The following HS6ST3 variants were observed in gnomAD, a reference collection of about 807,000 sequenced individuals.
HS6ST3 encodes the protein heparan sulfate 6-O-sulfotransferase 3, also known as heparan-sulfate 6-O-sulfotransferase 3.
HS6ST3 carries 12 observed loss-of-function variants against 36.7 expected under a neutral mutation model. The ratio of observed to expected loss-of-function variants is 0.33; its 90% CI spans 0.21 to 0.53. The LOEUF is 0.53. HS6ST3 is among the 20% of genes least tolerant of loss of function. HS6ST3 has a pLI of 0.95. For synonymous variants in HS6ST3, 240 were observed against 257.5 expected, an observed-to-expected ratio of 0.93 and a Z score of 0.65; for missense variants, 584 against 640.9, an observed-to-expected ratio of 0.91 and a Z score of 0.96.
At chr13:96,605,556 A>G (rs1273814348) in intron 1 of HS6ST3, among the ~76,000 whole-genome samples, 1 of 151,942 alleles carries the variant, frequency 6.6e-6, no homozygotes, top group African/African-American at 2.4e-5. Context: ...ATTTTTCTCC[A>G]TTTTGCTAAC....
intron 1 of HS6ST3, among the ~76,000 whole-genome samples, chr13:96,632,205 T>C (rs897036695): frequency 1.3e-5 from 2 of 152,146 alleles, no homozygotes; most frequent in African/African-American, 4.8e-5. Flanking sequence ...TCTGTGCTTG[T>C]TTCCACTAAG....
chr13:96,635,512 A>G (rs1360114624), intron 1 of HS6ST3, among the ~76,000 whole-genome samples: 1 of 152,068 alleles, frequency 6.6e-6, no homozygotes, highest in Non-Finnish European at 1.5e-5. Context: ...TCTTCTCCCA[A>G]TAGTCTTCCT....
At chr13:96,558,590 T>C (rs139171402) in intron 1 of HS6ST3, among the ~76,000 whole-genome samples, 2 of 152,176 alleles carry the variant, frequency 1.3e-5, no homozygotes, top group Non-Finnish European at 2.9e-5. Context: ...AGAGGGAATG[T>C]GTAACTTAAA....
At chr13:96,215,286 G>C (rs1020614119) in intron 1 of HS6ST3, among the ~76,000 whole-genome samples, 2 of 152,190 alleles carry the variant, frequency 1.3e-5, no homozygotes, top group African/African-American at 4.8e-5. Flanking sequence ...ATGGCTTTCT[G>C]TTCACCCAGT....
At chr13:96,783,174 CCTGA>C (rs1233434376) in intron 1 of HS6ST3, among the ~76,000 whole-genome samples, 1 of 152,096 alleles carries the variant, frequency 6.6e-6, no homozygotes, top group South Asian at 2.1e-4. Flanking sequence ...CTGGCTGAAC[CCTGA>C]CTGTCTCAAT....
chr13:96,158,064 G>A (rs2054118503), intron 1 of HS6ST3, among the ~76,000 whole-genome samples: 1 of 152,176 alleles, frequency 6.6e-6, no homozygotes, highest in Admixed American at 6.5e-5. Flanking sequence ...AGTTTTCTTA[G>A]GAAGATGAGA....
chr13:96,519,616 G>T (rs139467963), intron 1 of HS6ST3, among the ~76,000 whole-genome samples: 2 of 152,288 alleles, frequency 1.3e-5, no homozygotes, highest in East Asian at 3.9e-4. Context: ...TACTTGGAAA[G>T]ACCTTTATTT....
intron 1 of HS6ST3, among the ~76,000 whole-genome samples, chr13:96,480,856 T>G (rs1385462400): frequency 6.6e-6 from 1 of 152,200 alleles, no homozygotes; most frequent in Non-Finnish European, 1.5e-5. Flanking sequence ...ATGGCCTTAG[T>G]GTACTCTGGA....
At chr13:96,770,896 T>C (rs7317819) in intron 1 of HS6ST3, among the ~76,000 whole-genome samples, 41 of 152,310 alleles carry the variant, frequency 2.7e-4, no homozygotes, top group African/African-American at 7.5e-4. Flanking sequence ...AGTTAGTCCA[T>C]TGGCACAATG....
At chr13:96,311,224 A>G (rs910944019) in intron 1 of HS6ST3, among the ~76,000 whole-genome samples, 28 of 152,294 alleles carry the variant, frequency 1.8e-4, no homozygotes, top group African/African-American at 6.5e-4. Flanking sequence ...TTGATAGGGA[A>G]CAGTTGGGGA....
At chr13:96,270,480 AT>A (rs1272490181) in intron 1 of HS6ST3, among the ~76,000 whole-genome samples, 1 of 151,928 alleles carries the variant, frequency 6.6e-6, no homozygotes, top group East Asian at 1.9e-4. Context: ...TTTGAAACCT[AT>A]TATTTTAATT....
At chr13:96,217,308 A>C (rs2139360630) in intron 1 of HS6ST3, among the ~76,000 whole-genome samples, 1 of 152,258 alleles carries the variant, frequency 6.6e-6, no homozygotes, top group Admixed American at 6.5e-5. Context: ...TTTCTCATTT[A>C]ATGGATGAGA....
intron 1 of HS6ST3, among the ~76,000 whole-genome samples, chr13:96,351,787 G>C (rs926337713): frequency 7.9e-5 from 12 of 152,154 alleles, no homozygotes; most frequent in African/African-American, 1.2e-4. Context: ...AATAGAAGGT[G>C]AAATTATTAT....
intron 1 of HS6ST3, among the ~76,000 whole-genome samples, chr13:96,403,443 G>C (rs1198420672): frequency 6.6e-6 from 1 of 152,132 alleles, no homozygotes; most frequent in Non-Finnish European, 1.5e-5. Context: ...AGCAGGTGTT[G>C]CTGCCATCTG....
chr13:96,711,878 C>A (rs1444831475), intron 1 of HS6ST3, among the ~76,000 whole-genome samples: 2 of 152,120 alleles, frequency 1.3e-5, no homozygotes, highest in Non-Finnish European at 2.9e-5. Context: ...AGATTGTGAC[C>A]AACCTGAATT....
chr13:96,424,412 G>A (rs897938713), intron 1 of HS6ST3, among the ~76,000 whole-genome samples: 14 of 152,130 alleles, frequency 9.2e-5, no homozygotes, highest in South Asian at 4.1e-4. Flanking sequence ...ATGGGCACAC[G>A]ATTTGTTTTT....
At chr13:96,181,208 A>C (rs1460030629) in intron 1 of HS6ST3, among the ~76,000 whole-genome samples, 1 of 152,182 alleles carries the variant, frequency 6.6e-6, no homozygotes, top group Non-Finnish European at 1.5e-5. Context: ...CTAGATTATA[A>C]AAATTATTCC....
At chr13:96,150,878 A>G (rs1238936806) in intron 1 of HS6ST3, among the ~76,000 whole-genome samples, 2 of 152,230 alleles carry the variant, frequency 1.3e-5, no homozygotes, top group African/African-American at 2.4e-5. Flanking sequence ...ATAACTGTAT[A>G]TAATGTATAA....
chr13:96,381,123 A>T (rs1395748730), intron 1 of HS6ST3, among the ~76,000 whole-genome samples: 1 of 152,234 alleles, frequency 6.6e-6, no homozygotes, highest in Admixed American at 6.5e-5. Context: ...ACAGGATAGT[A>T]ACACATGAAT....
Sources: allele counts gnomAD v4.1 joint callset (sites outside exome capture counted in the v4.1 genomes callset), GRCh38; gene constraint gnomAD v4.1.1; transcripts MANE v1.5; gene names NCBI Gene and HGNC (gene_info 2026-07-23, HGNC 2026-07-21).